The following MYOCD variants were observed in gnomAD, a reference collection of about 807,000 sequenced individuals.
MYOCD encodes myocardin.
A neutral mutation model predicts 96.1 loss-of-function variants in MYOCD; 32 were observed. The ratio of observed to expected loss-of-function variants is 0.33; its 90% CI spans 0.25 to 0.45. MYOCD has a LOEUF of 0.45. Ranked by LOEUF, MYOCD falls within the 20% of genes least tolerant of loss-of-function variation. MYOCD has a pLI of 1.00. For synonymous variants in MYOCD, 469 were observed against 469.0 expected, an observed-to-expected ratio of 1.00 and a Z score of 0.00; for missense variants, 1,133 against 1,200.6, an observed-to-expected ratio of 0.94 and a Z score of 0.83.
At chr17:12,670,367 T>C (rs1321401053) in intron 1 of MYOCD, among the ~76,000 whole-genome samples, 1 of 152,200 alleles carries the variant, frequency 6.6e-6, no homozygotes, top group African/African-American at 2.4e-5. Context: ...GTCGTTTCTC[T>C]ATTCTCCATC....
chr17:12,752,317 A>G, intron 9 of MYOCD, 97 bp from the exon 10 acceptor site: 3 of 1,071,650 alleles, frequency 2.8e-6, no homozygotes, highest in Non-Finnish European at 4.0e-6. Context: ...GTATTGTAGA[A>G]TTCCATTTGT....
rs553170716 is a variant in MYOCD at position 12,741,663 on chromosome 17, C to T, written c.717+2335C>T. ...GGGGGTGGTGGCAGTGAGCCGAGATCGCAGTCACTGCACTCTAGCCTGGTC... is the reference window on the plus strand; with the variant it reads ...GGGGGTGGTGGCAGTGAGCCGAGATTGCAGTCACTGCACTCTAGCCTGGTC... On this transcript the variant is annotated intron_variant, in intron 7 of 13. Transcript: ENST00000425538. 4.6e-4 allele frequency among the ~76,000 whole-genome samples: 69 copies of T among 151,372 alleles called. No homozygotes were observed. The East Asian group carries it at 6.2e-3, about 14-fold the overall frequency.
At chr17:12,734,648 T>C (rs1054889526) in intron 5 of MYOCD, among the ~76,000 whole-genome samples, 2 of 151,204 alleles carry the variant, frequency 1.3e-5, no homozygotes, top group Non-Finnish European at 2.9e-5. Flanking sequence ...GTAGCTGGGA[T>C]TACAGGTGCT....
intron 5 of MYOCD, among the ~76,000 whole-genome samples, chr17:12,734,400 A>G (rs903145705): frequency 7.2e-5 from 11 of 152,040 alleles, no homozygotes; most frequent in African/African-American, 2.4e-4. Flanking sequence ...GTGGATCCCA[A>G]GAAAATGCAG....
chr17:12,709,974 T>G (rs370464840), intron 2 of MYOCD, among the ~76,000 whole-genome samples: 192 of 152,308 alleles, frequency 1.3e-3, no homozygotes, highest in African/African-American at 4.4e-3. Flanking sequence ...CTCAATAAAC[T>G]GGTCATAGAG....
intron 1 of MYOCD, among the ~76,000 whole-genome samples, chr17:12,687,028 T>C (rs769931969): frequency 1.1e-4 from 16 of 152,176 alleles, no homozygotes; most frequent in Admixed American, 4.6e-4. Flanking sequence ...AGGTTTGAGA[T>C]TTTTAGAACC....
chr17:12,740,595 A>G (rs2032477720), intron 7 of MYOCD, among the ~76,000 whole-genome samples: 1 of 152,132 alleles, frequency 6.6e-6, no homozygotes, highest in African/African-American at 2.4e-5. Context: ...GGTTGGGTCC[A>G]TATCTTTGCA....
intron 8 of MYOCD, among the ~76,000 whole-genome samples, chr17:12,745,682 T>G (rs1416856150): frequency 6.6e-6 from 1 of 152,200 alleles, no homozygotes; most frequent in East Asian, 1.9e-4. Flanking sequence ...CAGGTGGATG[T>G]GTCCTCTTTC....
rs1567599440 is a variant in MYOCD, at chr17:12,752,544, C to CTAT, written c.1256_1257insTAT (p.Thr419_Thr420insMet). 6.2e-7 allele frequency: 1 copy of CTAT among 1,614,156 alleles called. No individual in the cohort carries two copies. The highest frequency in any genetic ancestry group is 8.5e-7 in the Non-Finnish European group (1 of 1,180,040). On this transcript the variant is annotated inframe_insertion, in exon 10 of 14. Transcript: ENST00000425538. ...CCAGTGCCGAACTTTGGGGATATAA[C>CTAT]GACTGTCACTTTTCCTGTCACACCC...
intron 5 of MYOCD, among the ~76,000 whole-genome samples, chr17:12,726,445 A>G (rs2032002033): frequency 6.6e-6 from 1 of 152,202 alleles, no homozygotes; most frequent in African/African-American, 2.4e-5. Context: ...TATCCAGCAA[A>G]GGGGGAAGAA....
rs79815525 is a variant in MYOCD at position 12,743,881 on chromosome 17, C to T, written c.718-302C>T. ...CAGTTGGTTTTAGGTTAGGAGAATGCACTCATTGAAACACAGGATTACATT... is the reference window on the plus strand; with the variant it reads ...CAGTTGGTTTTAGGTTAGGAGAATGTACTCATTGAAACACAGGATTACATT... On this transcript the variant is annotated intron_variant, in intron 7 of 13. Transcript: ENST00000425538. Among the ~76,000 whole-genome samples, 420 of 152,262 alleles carry T rather than the reference C, an allele frequency of 2.8e-3. 4 individuals carry two copies. Among genetic ancestry groups the T allele is most frequent in the African/African-American group, 9.7e-3 (404 of 41,536 alleles).
At chr17:12,669,297 G>C (rs577434918) in intron 1 of MYOCD, among the ~76,000 whole-genome samples, 2 of 152,284 alleles carry the variant, frequency 1.3e-5, no homozygotes, top group Middle Eastern at 3.4e-3. Context: ...TGGAGAGAGA[G>C]ATCCATGAAT....
chr17:12,680,250 C>T (rs1009126051), intron 1 of MYOCD, among the ~76,000 whole-genome samples: 6 of 152,148 alleles, frequency 3.9e-5, no homozygotes, highest in Non-Finnish European at 8.8e-5. Context: ...TTAGTGGATG[C>T]CCACGGTTAA....
At chr17:12,740,488 A>G (rs2150707639) in intron 7 of MYOCD, among the ~76,000 whole-genome samples, 2 of 152,366 alleles carry the variant, frequency 1.3e-5, no homozygotes, top group Middle Eastern at 3.4e-3. Context: ...AAGTGGCTGC[A>G]AAAGACATTA....
At chr17:12,702,399 T>C (rs1247562525) in intron 1 of MYOCD, among the ~76,000 whole-genome samples, 1 of 151,998 alleles carries the variant, frequency 6.6e-6, no homozygotes, top group Non-Finnish European at 1.5e-5. Context: ...GTATACCTTT[T>C]TTCCATCTAC....
At chr17:12,748,007 A>G (rs1260341758) in intron 9 of MYOCD, among the ~76,000 whole-genome samples, 3 of 151,840 alleles carry the variant, frequency 2.0e-5, no homozygotes, top group African/African-American at 7.2e-5. Context: ...TACGAAAAAT[A>G]TAAAAATTAG....
At chr17:12,701,344 G>A (rs539107331) in intron 1 of MYOCD, among the ~76,000 whole-genome samples, 195 of 152,204 alleles carry the variant, frequency 1.3e-3, no homozygotes, top group Non-Finnish European at 2.3e-3. Context: ...CCTGGGAGTC[G>A]GAGGTTGCAG....
chr17:12,714,056 C>A (rs930350191), intron 2 of MYOCD, among the ~76,000 whole-genome samples: 9 of 151,776 alleles, frequency 5.9e-5, no homozygotes, highest in African/African-American at 1.9e-4. Flanking sequence ...GAGAAGGATG[C>A]CTGTCAACTA....
chr17:12,750,301 T>C (rs978336714), intron 9 of MYOCD, among the ~76,000 whole-genome samples: 3 of 152,198 alleles, frequency 2.0e-5, no homozygotes, highest in African/African-American at 7.2e-5. Flanking sequence ...GGGCCCAAGA[T>C]TCTGCATTTC....
Sources: allele counts gnomAD v4.1 joint callset (sites outside exome capture counted in the v4.1 genomes callset), GRCh38; gene constraint gnomAD v4.1.1; transcripts MANE v1.5; gene names NCBI Gene and HGNC (gene_info 2026-07-23, HGNC 2026-07-21).